Variants in BPIFC observed in about 807,000 individuals in gnomAD.
BPIFC encodes BPI fold-containing family C protein.
A neutral mutation model predicts 57.6 loss-of-function variants in BPIFC; 60 were observed. The observed-to-expected ratio is 1.04, with a 90% confidence interval of 0.85 to 1.29. The LOEUF is 1.29. Ranked by LOEUF, BPIFC falls within the 50% of genes most tolerant of loss-of-function variation. The probability of loss-of-function intolerance (pLI) is 0.00; values close to 1 mark genes in which losing one functional copy is unlikely to be tolerated. For synonymous variants in BPIFC, 243 were observed against 224.5 expected (o/e 1.08, Z -0.74); for missense variants, 581 against 600.5 (o/e 0.97, Z 0.34).
intron 7 of BPIFC, among the ~76,000 whole-genome samples, chr22:32,443,162 C>CTTTTT (rs57447537): frequency 1.5e-5 from 2 of 133,850 alleles, no homozygotes; most frequent in South Asian, 2.4e-4. Flanking sequence ...AGAGCTGGAG[C>CTTTTT]TTTTTTTTTT....
intron 7 of BPIFC, among the ~76,000 whole-genome samples, chr22:32,444,573 G>A (rs1166423229): frequency 6.6e-6 from 1 of 152,136 alleles, no homozygotes; most frequent in Non-Finnish European, 1.5e-5. Flanking sequence ...GTCATTATTG[G>A]AAAGAGAGTG....
chr22:32,457,193 G>A, intron 3 of BPIFC, 70 bp downstream of exon 3: 2 of 1,523,242 alleles, frequency 1.3e-6, no homozygotes, highest in Non-Finnish European at 8.8e-7. Flanking sequence ...CATGTTATGA[G>A]CTGTTCAGTT....
Position 32,415,941 on chromosome 22 carries a change from CG to C in BPIFC, c.1374del (p.Phe458LeufsTer14). The C allele has an allele frequency of 6.3e-7, 1 of 1,592,574 alleles. No homozygotes were observed. Among genetic ancestry groups the C allele is most frequent in the East Asian group, 2.3e-5 (1 of 43,678 alleles). On this transcript the variant is annotated frameshift_variant, in exon 16 of 17. Coordinates refer to ENST00000300399, the MANE Select transcript of BPIFC (RefSeq NM_174932.3). LOFTEE classifies it low-confidence loss of function (END_TRUNC). ...FPLSNPHKFL[F>X]VNSDIEVLEG... Reference sequence around the variant, plus strand: ...TCAAGAACTTCAATATCTGAATTGACGAATAAGAATTTGTGTGGATTGGACA... The same window carrying C: ...TCAAGAACTTCAATATCTGAATTGACAATAAGAATTTGTGTGGATTGGACA...
intron 13 of BPIFC, among the ~76,000 whole-genome samples, chr22:32,426,517 G>A (rs1374422421): frequency 6.6e-6 from 1 of 152,194 alleles, no homozygotes; most frequent in Non-Finnish European, 1.5e-5. Flanking sequence ...CCTGAGGTTT[G>A]CTATAACACC....
At chr22:32,442,798 G>T in intron 7 of BPIFC, 67 bp from the exon 8 acceptor site, 1 of 1,452,772 alleles carries the variant, frequency 6.9e-7, no homozygotes, top group Non-Finnish European at 9.5e-7. Flanking sequence ...TTATTGATGG[G>T]CCTAGACCCT....
At chr22:32,423,317 C>T (rs984758555) in intron 13 of BPIFC, among the ~76,000 whole-genome samples, 4 of 152,166 alleles carry the variant, frequency 2.6e-5, no homozygotes, top group African/African-American at 9.7e-5. Flanking sequence ...GAAGAAGCTT[C>T]CATTTGGGGT....
At chr22:32,434,557 T>TTA (rs555384290) in intron 10 of BPIFC, among the ~76,000 whole-genome samples, 87 of 151,752 alleles carry the variant, frequency 5.7e-4, no homozygotes, top group African/African-American at 2.0e-3. Flanking sequence ...TATTCTTCAC[T>TTA]TATATATATT....
intron 9 of BPIFC, among the ~76,000 whole-genome samples, chr22:32,436,267 C>T (rs1276067798): frequency 6.6e-6 from 1 of 151,402 alleles, no homozygotes; most frequent in African/African-American, 2.4e-5. Context: ...GCACTTCAGC[C>T]TCCAGCCTGG....
Position 32,442,688 on chromosome 22 carries a change from T to C in BPIFC, c.638A>G (p.Asn213Ser), listed in dbSNP as rs528531150. The C allele has an allele frequency of 5.0e-6, 8 of 1,613,898 alleles. No individual in the cohort carries two copies. In the Admixed American group the frequency reaches 1.0e-4, roughly 20 times the overall value. ...AGACTCACCCTCCAGTGTGCTGAGGTTGGCATTTAGCGCTTTGACTTCACT... is the reference window on the plus strand; with the variant it reads ...AGACTCACCCTCCAGTGTGCTGAGGCTGGCATTTAGCGCTTTGACTTCACT... The part of the protein sequence containing the change: ...IASEVKALNA[N>S]LSTLEVLTKI... Residue 213 changes from asparagine to serine, a missense_variant, in exon 8 of 17, where the codon AAC (asparagine) becomes AGC (serine). Asn to Ser is a conservative substitution (Grantham distance 46). Transcript: ENST00000300399.
Position 32,453,386 on chromosome 22 carries a change from G to T in BPIFC, c.242C>A (p.Ser81Ter). ...AAATGCTCTTCTTTTTACTTACTTT[G>T]AAAAATTGTAGTTTACATAATCAAC... ...LKVDYVNYNF[S>*]NIKISAFSFP... The change falls in exon 4 of 17, where the codon TCA (serine) becomes TAA (stop). Residue 81 changes from serine to a stop codon, truncating the protein, a stop_gained. Coordinates refer to ENST00000300399, the MANE Select transcript of BPIFC (RefSeq NM_174932.3). LOFTEE classifies it high-confidence loss of function. 1 of 1,579,328 alleles carries T rather than the reference G, an allele frequency of 6.3e-7. No individual in the cohort carries two copies. Among genetic ancestry groups the T allele is most frequent in the Non-Finnish European group, 8.6e-7 (1 of 1,168,406 alleles).
intron 13 of BPIFC, among the ~76,000 whole-genome samples, chr22:32,429,448 C>T (rs1471735180): frequency 5.3e-5 from 8 of 149,546 alleles, no homozygotes; most frequent in African/African-American, 1.7e-4. Flanking sequence ...CCTCATGATC[C>T]GCTCGCCTCA....
chr22:32,419,495 A>G (rs1457271805), intron 13 of BPIFC, 91 bp from the exon 14 acceptor site: 7 of 1,285,062 alleles, frequency 5.4e-6, no homozygotes, highest in Non-Finnish European at 7.8e-6. Flanking sequence ...TCAGTTCAAA[A>G]GTCACTATTT....
intron 4 of BPIFC, among the ~76,000 whole-genome samples, chr22:32,448,019 C>T (rs1934778128): frequency 1.3e-5 from 2 of 151,758 alleles, no homozygotes; most frequent in Admixed American, 1.3e-4. Flanking sequence ...TCCAGTGTTT[C>T]ACGAAAGGGG....
intron 13 of BPIFC, among the ~76,000 whole-genome samples, chr22:32,422,732 G>A (rs1201628944): frequency 1.3e-5 from 2 of 152,062 alleles, no homozygotes; most frequent in African/African-American, 4.8e-5. Flanking sequence ...AGTGCGAAAA[G>A]ATGAAGAAAC....
chr22:32,417,026 A>T, intron 15 of BPIFC, 59 bp downstream of exon 15: 1 of 1,338,668 alleles, frequency 7.5e-7, no homozygotes, highest in Non-Finnish European at 1.1e-6. Flanking sequence ...AGTGCAGCCG[A>T]TGCAGATGTT....
chr22:32,440,063 A>C (rs1734080644), intron 8 of BPIFC, among the ~76,000 whole-genome samples: 1 of 152,014 alleles, frequency 6.6e-6, no homozygotes, highest in African/African-American at 2.4e-5. Flanking sequence ...TCCTCACTAC[A>C]TCTTGTTTTC....
chr22:32,453,589 G>A, intron 3 of BPIFC, 86 bp from the exon 4 acceptor site: 1 of 1,426,338 alleles, frequency 7.0e-7, no homozygotes, highest in Non-Finnish European at 9.2e-7. Flanking sequence ...ACAATTTATT[G>A]AGTGAGACAT....
At chr22:32,421,897 T>C (rs960838596) in intron 13 of BPIFC, among the ~76,000 whole-genome samples, 3 of 152,188 alleles carry the variant, frequency 2.0e-5, no homozygotes, top group Non-Finnish European at 4.4e-5. Flanking sequence ...ATTTGGTAGA[T>C]GTAGGAAGGT....
intron 15 of BPIFC, among the ~76,000 whole-genome samples, chr22:32,416,521 A>C (rs1050353252): frequency 2.6e-5 from 4 of 152,240 alleles, no homozygotes; most frequent in Non-Finnish European, 5.9e-5. Flanking sequence ...AATTATGTTC[A>C]TTTGGACAGT....
Sources: allele counts gnomAD v4.1 joint callset (sites outside exome capture counted in the v4.1 genomes callset), GRCh38; gene constraint gnomAD v4.1.1; transcripts MANE v1.5; gene names NCBI Gene and HGNC (gene_info 2026-07-23, HGNC 2026-07-21).